The following DIAPH3 variants were observed in gnomAD, a reference collection of about 807,000 sequenced individuals.
DIAPH3 encodes protein diaphanous homolog 3.
Under a neutral mutation model 144.3 loss-of-function variants are expected in DIAPH3, and 117 were observed. The observed-to-expected ratio is 0.81, with a 90% CI of 0.70 to 0.95. The LOEUF (loss-of-function observed/expected upper bound fraction) is 0.95. Ranked by LOEUF, DIAPH3 falls within the 40% of genes least tolerant of loss-of-function variation. The pLI is 0.00. For missense variants in DIAPH3, 1,421 were observed against 1,412.7 expected (o/e 1.01, Z -0.09); for synonymous variants, 519 against 488.9 (o/e 1.06, Z -0.81).
chr13:59,678,360 T>C (rs2032755645), intron 27 of DIAPH3, among the ~76,000 whole-genome samples: 1 of 152,188 alleles, frequency 6.6e-6, no homozygotes, highest in Non-Finnish European at 1.5e-5. Flanking sequence ...GGCATTACCT[T>C]AAAGAGAGTA....
intron 4 of DIAPH3, among the ~76,000 whole-genome samples, chr13:60,069,556 C>G (rs2057116347): frequency 6.6e-6 from 1 of 152,080 alleles, no homozygotes; most frequent in Non-Finnish European, 1.5e-5. Context: ...TTGCCAGGTC[C>G]TATGTCCAAA....
chr13:60,141,025 C>T (rs546449179), intron 1 of DIAPH3, among the ~76,000 whole-genome samples: 127 of 152,166 alleles, frequency 8.3e-4, no homozygotes, highest in Middle Eastern at 6.8e-3. Context: ...GAAAAATATA[C>T]GAATCACTAC....
chr13:60,126,678 G>A (rs928250534), intron 2 of DIAPH3, among the ~76,000 whole-genome samples: 14 of 152,178 alleles, frequency 9.2e-5, no homozygotes, highest in East Asian at 3.9e-4. Flanking sequence ...AATCAGAAAG[G>A]ACAGAATTCA....
At chr13:59,669,652 T>C (rs901822719) in intron 27 of DIAPH3, among the ~76,000 whole-genome samples, 19 of 152,148 alleles carry the variant, frequency 1.2e-4, no homozygotes, top group African/African-American at 7.2e-5. Flanking sequence ...CTCTGCTGCA[T>C]TGTAAAGGTT....
intron 22 of DIAPH3, among the ~76,000 whole-genome samples, chr13:59,841,133 T>A (rs1331431198): frequency 6.6e-6 from 1 of 152,154 alleles, no homozygotes; most frequent in East Asian, 1.9e-4. Context: ...TCTTTCAAAG[T>A]TCTCTATCTG....
intron 9 of DIAPH3, among the ~76,000 whole-genome samples, chr13:59,993,642 G>C (rs2051981214): frequency 7.3e-6 from 1 of 136,964 alleles, no homozygotes; most frequent in Non-Finnish European, 1.5e-5. Context: ...CGAAACTTAA[G>C]GTTGTTTAAA....
intron 25 of DIAPH3, among the ~76,000 whole-genome samples, chr13:59,789,720 A>C (rs1040311111): frequency 1.3e-5 from 2 of 152,134 alleles, no homozygotes; most frequent in African/African-American, 4.8e-5. Flanking sequence ...CACTGGAAGA[A>C]GGGGAAAATA....
intron 27 of DIAPH3, among the ~76,000 whole-genome samples, chr13:59,717,618 G>T (rs1267609931): frequency 1.3e-5 from 2 of 152,108 alleles, no homozygotes; most frequent in African/African-American, 4.8e-5. Flanking sequence ...TGTATTTAAA[G>T]AACTTTTAAA....
intron 17 of DIAPH3, among the ~76,000 whole-genome samples, chr13:59,937,098 G>A (rs1303462238): frequency 2.0e-5 from 3 of 151,640 alleles, no homozygotes; most frequent in Non-Finnish European, 4.4e-5. Flanking sequence ...GGGAGGCAGA[G>A]CTTGCAGTGA....
chr13:60,065,253 T>TA (rs11344639), intron 4 of DIAPH3, among the ~76,000 whole-genome samples: 4,140 of 88,172 alleles, frequency 0.047, 109 homozygotes, highest in Admixed American at 0.083. Flanking sequence ...TTTAATTTAT[T>TA]AAAAAAAAAA....
At chr13:60,073,623 T>G (rs1191293906) in intron 4 of DIAPH3, among the ~76,000 whole-genome samples, 2 of 152,234 alleles carry the variant, frequency 1.3e-5, no homozygotes, top group Non-Finnish European at 2.9e-5. Context: ...TTTTCATTTA[T>G]GGTGATATTT....
chr13:59,943,365 G>C (rs2048636197), intron 17 of DIAPH3, among the ~76,000 whole-genome samples: 1 of 152,126 alleles, frequency 6.6e-6, no homozygotes, highest in Non-Finnish European at 1.5e-5. Context: ...CTAGACCACT[G>C]TTACTGTACC....
intron 2 of DIAPH3, among the ~76,000 whole-genome samples, chr13:60,117,366 A>G (rs983476837): frequency 9.2e-5 from 14 of 152,096 alleles, no homozygotes; most frequent in African/African-American, 3.1e-4. Context: ...CATATTTTCA[A>G]TATAATGCTT....
At chr13:59,888,462 T>C (rs1345167607) in intron 20 of DIAPH3, among the ~76,000 whole-genome samples, 2 of 152,126 alleles carry the variant, frequency 1.3e-5, no homozygotes, top group East Asian at 1.9e-4. Flanking sequence ...CTTTTATCCC[T>C]TTTCTGCTTT....
chr13:60,163,666 T>C lies in DIAPH3; in HGVS notation c.101A>G (p.Lys34Arg). ...SASLRGCRESKMPRRKGPQHP... is the reference protein window; with the variant it reads ...SASLRGCRESRMPRRKGPQHP... ...TTGGGGGCCCTTCCTGCGCGGCATC[T>C]TGCTTTCCCGGCAGCCGCGGAGAGA... Residue 34 changes from lysine (K) to arginine (R), a missense_variant, in exon 1 of 28, where the codon AAG becomes AGG. Coordinates refer to ENST00000400324, the MANE Select transcript of DIAPH3 (RefSeq NM_001042517.2). 6.2e-7 allele frequency: 1 copy of C among 1,607,992 alleles called. No individual in the cohort carries two copies. Among genetic ancestry groups the C allele is most frequent in the Non-Finnish European group, 8.5e-7 (1 of 1,175,654 alleles).
chr13:59,907,301 A>T (rs908606704), intron 20 of DIAPH3, among the ~76,000 whole-genome samples: 6 of 152,174 alleles, frequency 3.9e-5, no homozygotes, highest in Non-Finnish European at 8.8e-5. Context: ...CTAAACCAAC[A>T]AAAACAGCAT....
intron 13 of DIAPH3, among the ~76,000 whole-genome samples, chr13:59,982,844 G>T (rs917710982): frequency 6.6e-6 from 1 of 151,474 alleles, no homozygotes; most frequent in African/African-American, 2.4e-5. Flanking sequence ...TGTTCCGAAC[G>T]TTAACAGGTC....
intron 24 of DIAPH3, among the ~76,000 whole-genome samples, chr13:59,820,833 T>TA (rs1429781748): frequency 5.3e-5 from 8 of 149,910 alleles, no homozygotes; most frequent in Admixed American, 6.6e-5. Flanking sequence ...TAATACTATT[T>TA]ATTTAACTAT....
chr13:59,829,852 A>G (rs1308228119), intron 24 of DIAPH3, among the ~76,000 whole-genome samples: 1 of 151,902 alleles, frequency 6.6e-6, no homozygotes, highest in Non-Finnish European at 1.5e-5. Context: ...AAAACTGCCA[A>G]TGGGGGAGTA....
Sources: allele counts gnomAD v4.1 joint callset (sites outside exome capture counted in the v4.1 genomes callset), GRCh38; gene constraint gnomAD v4.1.1; transcripts MANE v1.5; gene names NCBI Gene and HGNC (gene_info 2026-07-23, HGNC 2026-07-21).